Variants in BUD31 observed in about 807,000 individuals in gnomAD.
BUD31 encodes the protein BUD31 spliceosome associated protein.
BUD31 carries 9 observed loss-of-function variants against 17.9 expected under a neutral mutation model. That is an observed-to-expected ratio of 0.50 (90% confidence interval 0.30 to 0.88). The LOEUF is 0.88. Among genes scored for constraint, BUD31 ranks in the 40% least tolerant of loss-of-function variants. The pLI, the probability that BUD31 is intolerant of heterozygous loss-of-function variation, is 0.06. For missense variants in BUD31, 148 were observed against 184.5 expected, an observed-to-expected ratio of 0.80 and a Z score of 1.15; for synonymous variants, 70 against 64.7, an observed-to-expected ratio of 1.08 and a Z score of -0.39.
chr7:99,413,027 G>A (rs1210548434), intron 3 of BUD31, among the ~76,000 whole-genome samples: 1 of 152,058 alleles, frequency 6.6e-6, no homozygotes, highest in Admixed American at 6.6e-5. Context: ...AGATCTAATG[G>A]ACTTACCGTT....
At chr7:99,418,207 T>C (rs985618559) in intron 5 of BUD31, 1 of 173,428 alleles carries the variant, frequency 5.8e-6, no homozygotes. Flanking sequence ...CCTCAGGTGA[T>C]CCACCCGCCT....
chr7:99,417,167 C>T (rs1177437449), intron 4 of BUD31: 5 of 379,010 alleles, frequency 1.3e-5, no homozygotes, highest in Non-Finnish European at 2.5e-5. Context: ...AGTGATTCTC[C>T]TGCCTCAGCC....
rs1348317456 is a variant in BUD31 at position 99,418,085 on chromosome 7, A to T, written c.384+490A>T. 4 of 743,866 alleles carry T rather than the reference A, an allele frequency of 5.4e-6. No individual in the cohort carries two copies. The East Asian group carries it at 4.0e-4, about 75-fold the overall frequency. 46.1% of individuals were successfully genotyped at this position (743,866 alleles called of 1,614,324 possible). A position where few individuals can be genotyped will look rare whatever the true frequency, so the allele number is the denominator to read the frequency against. ...CGGGTTCAAGCGGTTCTCCTGCCTCATCCTCCTGAGTAGCTGGGACTACAG... is the reference window on the plus strand; with the variant it reads ...CGGGTTCAAGCGGTTCTCCTGCCTCTTCCTCCTGAGTAGCTGGGACTACAG... On this transcript the variant is annotated intron_variant, in intron 5 of 5. Coordinates refer to ENST00000222969, the MANE Select transcript of BUD31 (RefSeq NM_003910.4).
Position 99,415,847 on chromosome 7 carries a change from A to G in BUD31, c.95-291A>G, listed in dbSNP as rs189763030. 1.2e-4 allele frequency among the ~76,000 whole-genome samples: 18 copies of G among 152,272 alleles called. No homozygotes were observed. In the East Asian group the frequency reaches 3.1e-3, roughly 26 times the overall value. ...AGGTTATGATTGTCGAGTGAGGATT[A>G]TTATAATATTGGAATAAAGAGTAAT... On this transcript the variant is annotated intron_variant, in intron 3 of 5. Coordinates refer to ENST00000222969, the MANE Select transcript of BUD31 (RefSeq NM_003910.4).
At chr7:99,411,297 C>G in intron 3 of BUD31, 111 bp downstream of exon 3, 2 of 759,342 alleles carry the variant, frequency 2.6e-6, no homozygotes, top group South Asian at 1.7e-5. Context: ...TCTACTAACA[C>G]TGACATGTTG....
chr7:99,409,704 T>A (rs1795094389), intron 1 of BUD31, among the ~76,000 whole-genome samples: 1 of 148,006 alleles, frequency 6.8e-6, no homozygotes, highest in Non-Finnish European at 1.5e-5. Flanking sequence ...TGATTCTACC[T>A]TATAGAGTTT....
At chr7:99,418,062 G>A in intron 5 of BUD31, 2 of 938,186 alleles carry the variant, frequency 2.1e-6, no homozygotes, top group Non-Finnish European at 2.7e-6. Context: ...CCACCTCCCG[G>A]GTTCAAGCGG....
rs756553510 is a variant in BUD31 at position 99,419,554 on chromosome 7, A to C, written c.*113A>C. ...AGGCCCGAGTTGGAGCACGGTCTCT[A>C]TGGGGAAGGCTTCGCTGTCTATCAG... On this transcript the variant is annotated 3_prime_UTR_variant, in exon 6 of 6. Transcript: ENST00000222969. 8.1e-7 allele frequency: 1 copy of C among 1,238,170 alleles called. No homozygotes were observed. The highest frequency in any genetic ancestry group is 1.2e-6 in the Non-Finnish European group (1 of 858,896). 76.7% of individuals were successfully genotyped at this position (1,238,170 alleles called of 1,614,324 possible).
intron 2 of BUD31, among the ~76,000 whole-genome samples, 165 bp from the exon 3 acceptor site, chr7:99,410,899 C>T (rs1012625195): frequency 2.6e-5 from 4 of 152,152 alleles, no homozygotes; most frequent in Admixed American, 6.5e-5. Flanking sequence ...AAGATCACAG[C>T]GGGTAAGTAG....
intron 3 of BUD31, chr7:99,411,707 TTTA>T (rs1348776927): frequency 2.2e-6 from 1 of 455,900 alleles, no homozygotes; most frequent in Non-Finnish European, 4.4e-6. Flanking sequence ...AATTGACTTT[TTTA>T]TTTTTATTTT....
At chr7:99,413,439 A>G (rs953427033) in intron 3 of BUD31, among the ~76,000 whole-genome samples, 1 of 152,196 alleles carries the variant, frequency 6.6e-6, no homozygotes, top group African/African-American at 2.4e-5. Context: ...CCTCAGCCCT[A>G]AAGGACTTTG....
chr7:99,411,697 A>G (rs1795192105), intron 3 of BUD31: 2 of 455,884 alleles, frequency 4.4e-6, no homozygotes, highest in Non-Finnish European at 8.8e-6. Context: ...GCCACTTACC[A>G]ATTGACTTTT....
intron 3 of BUD31, 79 bp downstream of exon 3, chr7:99,411,265 T>A (rs1417838007): frequency 1.8e-6 from 2 of 1,086,562 alleles, no homozygotes; most frequent in Admixed American, 4.5e-5. Context: ...CAGGCATAAA[T>A]GCAAATATAA....
chr7:99,416,626 T>G (rs1359200511), intron 4 of BUD31: 1 of 177,032 alleles, frequency 5.6e-6, no homozygotes, highest in Non-Finnish European at 1.2e-5. Context: ...ACCATATTGG[T>G]CAGGCTGATC....
chr7:99,418,821 T>A (rs1453056348), intron 5 of BUD31: 1 of 153,400 alleles, frequency 6.5e-6, no homozygotes, highest in Non-Finnish European at 1.5e-5. Context: ...ACTTAAACTA[T>A]GGTCTTGTTC....
chr7:99,410,543 C>CT (rs2150916679), intron 2 of BUD31, among the ~76,000 whole-genome samples: 1 of 152,044 alleles, frequency 6.6e-6, no homozygotes, highest in Admixed American at 6.6e-5. Flanking sequence ...CCTGACCTTC[C>CT]ATCTTTGCCT....
intron 3 of BUD31, chr7:99,411,622 A>G (rs754667926): frequency 6.7e-6 from 3 of 450,380 alleles, no homozygotes; most frequent in Non-Finnish European, 8.9e-6. Flanking sequence ...CCCGTGTCCT[A>G]TGCTGTCTTT....
intron 5 of BUD31, chr7:99,418,973 C>G: frequency 1.0e-5 from 2 of 190,928 alleles, no homozygotes; most frequent in Non-Finnish European, 2.2e-5. Flanking sequence ...GGGTGTGACT[C>G]AAGTGCATAG....
rs567987049 is a variant in BUD31, at chr7:99,411,514, C to T, written c.94+328C>T. ...TTTAAAATCATACAAAATATATTTA[C>T]TTGGAAGTGCTATTCCTTTTCAGTA... On this transcript the variant is annotated intron_variant, in intron 3 of 5. Transcript: ENST00000222969. Among the ~76,000 whole-genome samples, 34 of 152,166 alleles carry T rather than the reference C, an allele frequency of 2.2e-4. No homozygotes were observed. The South Asian group carries it at 3.3e-3, about 15-fold the overall frequency.
Sources: allele counts gnomAD v4.1 joint callset (sites outside exome capture counted in the v4.1 genomes callset), GRCh38; gene constraint gnomAD v4.1.1; transcripts MANE v1.5; gene names NCBI Gene and HGNC (gene_info 2026-07-23, HGNC 2026-07-21).